Variants in RPL22 observed in about 807,000 individuals in gnomAD.
RPL22 encodes the protein ribosomal protein L22.
A neutral mutation model predicts 16.2 loss-of-function variants in RPL22; 4 were observed. The ratio of observed to expected loss-of-function variants is 0.25; its 90% CI spans 0.12 to 0.57. RPL22 has a LOEUF of 0.57. RPL22 is among the 20% of genes least tolerant of loss of function. The pLI is 0.92. For synonymous variants in RPL22, 43 were observed against 54.8 expected (o/e 0.78, Z 0.95); for missense variants, 83 against 156.1 (o/e 0.53, Z 2.49).
At chr1:6,192,454 T>C (rs758127497) in intron 3 of RPL22, among the ~76,000 whole-genome samples, 14 of 152,166 alleles carry the variant, frequency 9.2e-5, no homozygotes, top group Non-Finnish European at 1.6e-4. Context: ...TCCCAGCACT[T>C]TGGGAAGCCA....
In RPL22 at chr1:6,185,429, C is replaced by A. The variant is rs187143466; in HGVS notation, c.*1243G>T. On this transcript the variant is annotated 3_prime_UTR_variant, in exon 4 of 4. Transcript: ENST00000234875. ...GCATAGAAATGGAAAAATGCCAGAG[C>A]CTTTAACACAAGTGAAATTGCAAAG... 1.3e-5 allele frequency: 5 copies of A among 398,894 alleles called. No individual in the cohort carries two copies. In the Admixed American group the frequency reaches 2.2e-4, roughly 18 times the overall value. 24.7% of individuals were successfully genotyped at this position (398,894 alleles called of 1,614,324 possible). A position where few individuals can be genotyped will look rare whatever the true frequency, so the allele number is the denominator to read the frequency against.
chr1:6,191,642 T>A (rs1365677862), intron 3 of RPL22, among the ~76,000 whole-genome samples: 3 of 144,500 alleles, frequency 2.1e-5, no homozygotes, highest in Non-Finnish European at 4.5e-5. Context: ...GCCACTGCAC[T>A]CCAGCCTGGG....
At position 6,185,530 on chromosome 1, in the gene RPL22, C is replaced by G; in HGVS notation, c.*1142G>C. 2 of 396,420 alleles carry G rather than the reference C, an allele frequency of 5.0e-6. No individual in the cohort carries two copies. The highest frequency in any genetic ancestry group is 8.9e-6 in the Non-Finnish European group (2 of 224,930). The allele number at this position is 396,420 out of a possible 1,614,324, so 24.6% of individuals were successfully genotyped here. ...CAAGGTAGGACTGAGCATTGAACTT[C>G]CAGCTATGCAACTCGCAGGGCACAA... On this transcript the variant is annotated 3_prime_UTR_variant, in exon 4 of 4. Coordinates refer to ENST00000234875, the MANE Select transcript of RPL22 (RefSeq NM_000983.4).
chr1:6,195,499 C>T (rs1260761038), intron 2 of RPL22, among the ~76,000 whole-genome samples: 2 of 151,344 alleles, frequency 1.3e-5, no homozygotes, highest in Non-Finnish European at 2.9e-5. Flanking sequence ...CTTGTAATCC[C>T]GATACTTTGG....
chr1:6,193,614 C>A (rs1049440235), intron 2 of RPL22, among the ~76,000 whole-genome samples: 1 of 151,836 alleles, frequency 6.6e-6, no homozygotes, highest in Admixed American at 6.6e-5. Flanking sequence ...TGAGCCACTG[C>A]GCCTGGCTTA....
intron 2 of RPL22, among the ~76,000 whole-genome samples, chr1:6,196,009 G>A (rs1171539798): frequency 6.6e-6 from 1 of 152,134 alleles, no homozygotes; most frequent in African/African-American, 2.4e-5. Flanking sequence ...ATTGTGGTGA[G>A]CCGAGACTGC....
At chr1:6,194,596 A>G (rs1667692143) in intron 2 of RPL22, among the ~76,000 whole-genome samples, 1 of 152,176 alleles carries the variant, frequency 6.6e-6, no homozygotes, top group South Asian at 2.1e-4. Flanking sequence ...AATACAAAAT[A>G]TGTTAACTGG....
chr1:6,197,594 C>G (rs1667736726), intron 2 of RPL22, 58 bp downstream of exon 2: 2 of 1,167,618 alleles, frequency 1.7e-6, no homozygotes, highest in South Asian at 2.5e-5. Context: ...AGTAGGTTTT[C>G]TCAACAGTAT....
At chr1:6,199,198 C>T (rs1447589345) in intron 1 of RPL22, 4 of 270,730 alleles carry the variant, frequency 1.5e-5, no homozygotes, top group Non-Finnish European at 2.7e-5. Context: ...CGCGGCTCCC[C>T]AGGGTAGCAG....
intron 2 of RPL22, among the ~76,000 whole-genome samples, chr1:6,195,204 G>A (rs183167772): frequency 6.6e-6 from 1 of 152,078 alleles, no homozygotes; most frequent in Non-Finnish European, 1.5e-5. Context: ...CCAACACTTT[G>A]GGAGCCCGAG....
chr1:6,187,847 C>A (rs1667602021), intron 3 of RPL22, among the ~76,000 whole-genome samples: 2 of 152,132 alleles, frequency 1.3e-5, no homozygotes, highest in South Asian at 4.2e-4. Context: ...CGGAGTCAAA[C>A]CCCCTTTTGA....
At chr1:6,199,532 A>G (rs1249217503) in intron 1 of RPL22, 30 bp downstream of exon 1, 2 of 1,555,732 alleles carry the variant, frequency 1.3e-6, no homozygotes, top group Admixed American at 1.9e-5. Context: ...CCTCCCCTGG[A>G]GCCGAGGCCT....
At chr1:6,189,387 T>C (rs1667620346) in intron 3 of RPL22, among the ~76,000 whole-genome samples, 2 of 152,222 alleles carry the variant, frequency 1.3e-5, no homozygotes, top group South Asian at 4.1e-4. Context: ...TAATTCAAAA[T>C]TTCAGGTGGT....
rs1667585843 is a variant in RPL22 at position 6,186,684 on chromosome 1, TTCC to T, written c.372_374del (p.Glu125del). On this transcript the variant is annotated inframe_deletion, in exon 4 of 4. Coordinates refer to ENST00000234875, the MANE Select transcript of RPL22 (RefSeq NM_000983.4). ...AGATAAATGAAATTTAATCCTCGTC[TTCC>T]TCCTCTTCTTCGTCCTGGTTAATCT... The T allele has an allele frequency of 6.4e-7, 1 of 1,554,110 alleles. No individual in the cohort carries two copies. The highest frequency in any genetic ancestry group is 8.7e-7 in the Non-Finnish European group (1 of 1,145,338).
At chr1:6,193,373 G>A (rs1427217640) in intron 2 of RPL22, among the ~76,000 whole-genome samples, 1 of 148,850 alleles carries the variant, frequency 6.7e-6, no homozygotes, top group Non-Finnish European at 1.5e-5. Flanking sequence ...TGCCCAGGCT[G>A]GAGTGCAATG....
At position 6,185,589 on chromosome 1, in the gene RPL22, TTTTAAA is replaced by T. The variant is rs1381663084; in HGVS notation, c.*1077_*1082del. 5.1e-6 allele frequency: 2 copies of T among 388,532 alleles called. No individual in the cohort carries two copies. The highest frequency in any genetic ancestry group is 9.1e-6 in the Non-Finnish European group (2 of 220,342). 24.1% of individuals were successfully genotyped at this position (388,532 alleles called of 1,614,324 possible). ...GTGGAAACCATCTGTAGGCAAGCTCTTTTAAAAACATGAATTTTAGACACCGTAAAT... is the reference window on the plus strand; with the variant it reads ...GTGGAAACCATCTGTAGGCAAGCTCTAACATGAATTTTAGACACCGTAAAT... On this transcript the variant is annotated 3_prime_UTR_variant, in exon 4 of 4. Transcript: ENST00000234875.
rs1321255107 is a variant in RPL22 at position 6,197,694 on chromosome 1, G to A, written c.75C>T (p.Cys25=). 4 of 1,613,846 alleles carry A rather than the reference G, an allele frequency of 2.5e-6. No homozygotes were observed. The highest frequency in any genetic ancestry group is 3.3e-5 in the Admixed American group (2 of 60,022). Residue 25 remains cysteine, a synonymous_variant, in exon 2 of 4, where the codon TGC becomes TGT. Transcript: ENST00000234875. The part of the protein sequence containing the change: ...KKQVLKFTLD[C]THPVEDGIMD... ...TGATTCCATCTTCTACAGGGTGGGT[G>A]CAATCAAGAGTGAACTTCAGAACTT... is the stretch of plus-strand genomic sequence containing the variant.
At chr1:6,186,881 A>T in intron 3 of RPL22, 65 bp from the exon 4 acceptor site, 1 of 1,593,576 alleles carries the variant, frequency 6.3e-7, no homozygotes, top group East Asian at 2.2e-5. Flanking sequence ...ACATTTTAAC[A>T]TTTATAAAAC....
At chr1:6,199,432 G>C in intron 1 of RPL22, 130 bp downstream of exon 1, 1 of 1,430,622 alleles carries the variant, frequency 7.0e-7, no homozygotes, top group Non-Finnish European at 9.2e-7. Context: ...GGCCCGCTCC[G>C]GCCGACCTGC....
Sources: allele counts gnomAD v4.1 joint callset (sites outside exome capture counted in the v4.1 genomes callset), GRCh38; gene constraint gnomAD v4.1.1; transcripts MANE v1.5; gene names NCBI Gene and HGNC (gene_info 2026-07-23, HGNC 2026-07-21).